CPQ: variants seen among roughly 807,000 people sequenced by gnomAD.
The protein encoded by CPQ is carboxypeptidase Q.
Under a neutral mutation model 45.7 loss-of-function variants are expected in CPQ, and 37 were observed. The observed-to-expected ratio is 0.81, with a 90% CI of 0.62 to 1.07. CPQ has a LOEUF of 1.07. CPQ is among the 50% of genes least tolerant of loss of function. The pLI, the probability that CPQ is intolerant of heterozygous loss-of-function variation, is 0.00. For synonymous variants in CPQ, 186 were observed against 205.8 expected (o/e 0.90, Z 0.82); for missense variants, 537 against 572.9 (o/e 0.94, Z 0.64).
At chr8:96,665,516 G>A (rs1343552628) in intron 1 of CPQ, among the ~76,000 whole-genome samples, 3 of 152,206 alleles carry the variant, frequency 2.0e-5, no homozygotes, top group South Asian at 2.1e-4. Flanking sequence ...GGGAAATCCC[G>A]AGTTAGGGAA....
chr8:96,698,803 TG>T (rs1809419892), intron 1 of CPQ, among the ~76,000 whole-genome samples: 1 of 152,148 alleles, frequency 6.6e-6, no homozygotes, highest in Admixed American at 6.6e-5. Context: ...CCAGTTACAA[TG>T]GCTTTTATCC....
intron 1 of CPQ, among the ~76,000 whole-genome samples, chr8:96,730,281 C>A (rs1200944392): frequency 6.6e-6 from 1 of 152,088 alleles, no homozygotes; most frequent in Non-Finnish European, 1.5e-5. Flanking sequence ...CAAGATAAAA[C>A]CAAGAGGCAG....
chr8:96,727,756 A>G (rs1809862598), intron 1 of CPQ, among the ~76,000 whole-genome samples: 1 of 152,174 alleles, frequency 6.6e-6, no homozygotes, highest in Admixed American at 6.5e-5. Flanking sequence ...CAGGATTAAT[A>G]TAACACTATC....
chr8:96,767,493 CTTTTTT>C, intron 1 of CPQ, among the ~76,000 whole-genome samples: 1 of 147,300 alleles, frequency 6.8e-6, no homozygotes, highest in Middle Eastern at 3.5e-3. Context: ...CTCCAAGTAT[CTTTTTT>C]TTTTTTAAGT....
At chr8:96,845,727 T>C (rs1811677842) in intron 3 of CPQ, among the ~76,000 whole-genome samples, 1 of 152,194 alleles carries the variant, frequency 6.6e-6, no homozygotes, top group South Asian at 2.1e-4. Flanking sequence ...AGTAAATGAC[T>C]CATTTACTCT....
intron 2 of CPQ, among the ~76,000 whole-genome samples, chr8:96,832,540 T>C (rs1482802666): frequency 6.6e-6 from 1 of 151,728 alleles, no homozygotes; most frequent in African/African-American, 2.4e-5. Context: ...GTTTAAGGGG[T>C]AGAGAGAGTT....
Position 96,784,929 on chromosome 8 carries a change from G to T in CPQ, c.32G>T (p.Gly11Val). Reference sequence around the variant, plus strand: ...TTCCTTATCTTCGCATTTTTCGGTGGTGTTCACCTTTTATCCCTGTGCTCT... The same window carrying T: ...TTCCTTATCTTCGCATTTTTCGGTGTTGTTCACCTTTTATCCCTGTGCTCT... MKFLIFAFFG[G>V]VHLLSLCSGK... The change falls in exon 2 of 8, where the codon GGT (glycine) becomes GTT (valine). Residue 11 changes from glycine (G) to valine (V), a missense_variant. Gly to Val is a moderately radical substitution (Grantham distance 109). Coordinates refer to ENST00000220763, the MANE Select transcript of CPQ (RefSeq NM_016134.4). 6.2e-7 allele frequency: 1 copy of T among 1,610,362 alleles called. No homozygotes were observed. Among genetic ancestry groups the T allele is most frequent in the South Asian group, 1.1e-5 (1 of 90,652 alleles).
At chr8:96,761,478 C>T (rs1383079913) in intron 1 of CPQ, 2 of 152,154 alleles carry the variant, frequency 1.3e-5, no homozygotes, top group Non-Finnish European at 2.9e-5. Context: ...GATTGATTGC[C>T]CTACTCCACG....
chr8:96,736,531 C>A (rs1809984610), intron 1 of CPQ, among the ~76,000 whole-genome samples: 1 of 152,100 alleles, frequency 6.6e-6, no homozygotes, highest in African/African-American at 2.4e-5. Context: ...GCTGGAGAGC[C>A]CTTTGGTGTT....
At chr8:96,804,245 G>A (rs1395225990) in intron 2 of CPQ, among the ~76,000 whole-genome samples, 2 of 152,134 alleles carry the variant, frequency 1.3e-5, no homozygotes, top group Non-Finnish European at 2.9e-5. Context: ...ACGTATGCAG[G>A]TGGACTATAG....
chr8:96,826,515 C>T (rs1811380459), intron 2 of CPQ, among the ~76,000 whole-genome samples: 1 of 151,916 alleles, frequency 6.6e-6, no homozygotes, highest in African/African-American at 2.4e-5. Context: ...TGCCTTTGCT[C>T]CTGCCTCAGG....
intron 4 of CPQ, among the ~76,000 whole-genome samples, chr8:96,915,788 G>A (rs1182594562): frequency 6.6e-6 from 1 of 152,066 alleles, no homozygotes; most frequent in Non-Finnish European, 1.5e-5. Flanking sequence ...AGGAACTTAG[G>A]CAGCCGATGT....
At chr8:96,815,423 T>A (rs1811215116) in intron 2 of CPQ, among the ~76,000 whole-genome samples, 1 of 151,918 alleles carries the variant, frequency 6.6e-6, no homozygotes, top group Non-Finnish European at 1.5e-5. Flanking sequence ...GCTTAAGCGA[T>A]TTGCCAAAAT....
At chr8:96,665,359 A>G (rs1808906206) in intron 1 of CPQ, among the ~76,000 whole-genome samples, 1 of 152,226 alleles carries the variant, frequency 6.6e-6, no homozygotes, top group Admixed American at 6.5e-5. Context: ...AGTGATAAAC[A>G]ATGTGTTGGT....
At chr8:96,966,822 A>C (rs1296965308) in intron 5 of CPQ, among the ~76,000 whole-genome samples, 1 of 152,242 alleles carries the variant, frequency 6.6e-6, no homozygotes, top group Non-Finnish European at 1.5e-5. Context: ...CATGACAGAA[A>C]ATATTTTGAC....
chr8:96,877,370 C>T (rs1242639083), intron 3 of CPQ, among the ~76,000 whole-genome samples: 2 of 152,154 alleles, frequency 1.3e-5, no homozygotes, highest in Non-Finnish European at 2.9e-5. Context: ...AGAAGTCTTA[C>T]CAGTAACCTA....
intron 3 of CPQ, among the ~76,000 whole-genome samples, chr8:96,855,865 A>G (rs903097205): frequency 1.3e-5 from 2 of 152,254 alleles, no homozygotes; most frequent in African/African-American, 4.8e-5. Context: ...AGACTTCTCC[A>G]GAAGAGCAGT....
intron 1 of CPQ, among the ~76,000 whole-genome samples, chr8:96,770,417 C>A (rs1397739172): frequency 6.6e-6 from 1 of 152,160 alleles, no homozygotes; most frequent in African/African-American, 2.4e-5. Flanking sequence ...ATTCAATTTT[C>A]TTTCTTCAAG....
chr8:97,017,125 A>G (rs970439159), intron 5 of CPQ, among the ~76,000 whole-genome samples: 6 of 152,168 alleles, frequency 3.9e-5, no homozygotes, highest in African/African-American at 1.4e-4. Flanking sequence ...CTGCCCCTGA[A>G]CATATATCCC....
Sources: allele counts gnomAD v4.1 joint callset (sites outside exome capture counted in the v4.1 genomes callset), GRCh38; gene constraint gnomAD v4.1.1; transcripts MANE v1.5; gene names NCBI Gene and HGNC (gene_info 2026-07-23, HGNC 2026-07-21).